CXXC1: variants seen among roughly 807,000 people sequenced by gnomAD.
CXXC1 encodes CXXC-type zinc finger protein 1.
In CXXC1, 21 loss-of-function variants were observed where a neutral mutation model predicts 83.6. The ratio of observed to expected loss-of-function variants is 0.25; its 90% confidence interval spans 0.18 to 0.36. The LOEUF (loss-of-function observed/expected upper bound fraction) is 0.36, where lower values mean the gene tolerates loss of function less well. Among genes scored for constraint, CXXC1 ranks in the 10% least tolerant of loss-of-function variants. CXXC1 has a pLI of 1.00. For missense variants in CXXC1, 688 were observed against 919.5 expected, an observed-to-expected ratio of 0.75 and a Z score of 3.26; for synonymous variants, 371 against 337.5, an observed-to-expected ratio of 1.10 and a Z score of -1.09.
At chr18:50,283,462 T>C in intron 12 of CXXC1, 53 bp downstream of exon 12, 2 of 1,611,370 alleles carry the variant, frequency 1.2e-6, no homozygotes, top group Non-Finnish European at 1.7e-6. Context: ...CACATCCCAC[T>C]TCTGACCCCC....
At position 50,284,789 on chromosome 18, in the gene CXXC1, C is replaced by G. The variant is rs762206193; in HGVS notation, c.963G>C (p.Arg321=). The G allele has an allele frequency of 3.1e-6, 5 of 1,614,088 alleles. No individual in the cohort carries two copies. The highest frequency in any genetic ancestry group is 4.2e-6 in the Non-Finnish European group (5 of 1,180,054). ...CATGCTTCACTTTCACTGCCCTCTT[C>G]CGCAGCGCGGGGTCCAGGAATGGGG... ...EESPFLDPAL[R]KRAVKVKHVK... The change falls in exon 8 of 15, where the codon CGG becomes CGC. Residue 321 remains arginine, a synonymous_variant. Coordinates refer to ENST00000285106, the MANE Select transcript of CXXC1 (RefSeq NM_014593.4).
chr18:50,285,815 C>T lies in CXXC1; in HGVS notation c.573G>A (p.Lys191=), dbSNP rs533080894. The T allele has an allele frequency of 1.4e-5, 22 of 1,614,206 alleles. No individual in the cohort carries two copies. In the Admixed American group the frequency reaches 3.5e-4, roughly 26 times the overall value. The change falls in exon 5 of 15, where the codon AAG becomes AAA. Residue 191 remains lysine, a synonymous_variant. Transcript: ENST00000285106. The surrounding 1 kb of genome is among the most constrained non-coding windows in gnomAD (Gnocchi z 4.4). ...CGHCDFCRDM[K]KFGGPNKIRQ... ...GGATCTTGTTGGGGCCCCCGAACTT[C>T]TTCATGTCCCGACAGAAATCACAGT...
At position 50,285,561 on chromosome 18, in the gene CXXC1, G is replaced by T; in HGVS notation, c.639+188C>A. The T allele has an allele frequency of 2.1e-6, 2 of 956,658 alleles. No homozygotes were observed. Among genetic ancestry groups the T allele is most frequent in the South Asian group, 1.7e-5 (1 of 59,704 alleles). The allele number at this position is 956,658 out of a possible 1,614,324, so 59.3% of individuals were successfully genotyped here. A position where few individuals can be genotyped will look rare whatever the true frequency, so the allele number is the denominator to read the frequency against. On this transcript the variant is annotated intron_variant, in intron 5 of 14. Coordinates refer to ENST00000285106, the MANE Select transcript of CXXC1 (RefSeq NM_014593.4). This position sits in a 1 kb window ranked among gnomAD's most constrained non-coding sequence, Gnocchi z 4.4. ...CCACTCTGTCTACCCAGGGTTGGTG[G>T]GGGTGTTCTGCCAGCCCAGCATACC...
At position 50,286,844 on chromosome 18, in the gene CXXC1, T is replaced by C. The variant is rs200207368; in HGVS notation, c.18A>G (p.Ser6=). 8 of 1,613,010 alleles carry C rather than the reference T, an allele frequency of 5.0e-6. No homozygotes were observed. The Middle Eastern group carries it at 4.9e-4, about 100-fold the overall frequency. The change falls in exon 2 of 15, where the codon TCA becomes TCG. Residue 6 remains serine, a synonymous_variant. Transcript: ENST00000285106. MEGDG[S]DPEPPDAGED... ...CCCCGGCATCTGGAGGCTCTGGGTC[T>C]GAACCATCTCCCTCCTGCAGGACAC...
chr18:50,283,096 G>C, intron 13 of CXXC1, 90 bp from the exon 14 acceptor site: 2 of 1,468,560 alleles, frequency 1.4e-6, no homozygotes, highest in Non-Finnish European at 1.9e-6. Flanking sequence ...AAGAATGGAG[G>C]GTTCAGGGAA....
intron 1 of CXXC1, 166 bp from the exon 2 acceptor site, chr18:50,287,024 T>G: frequency 5.0e-6 from 3 of 602,890 alleles, no homozygotes; most frequent in Non-Finnish European, 3.0e-6. Flanking sequence ...CCCCCATCCC[T>G]TCCTCTGACA....
At position 50,287,623 on chromosome 18, in the gene CXXC1, C is replaced by G; in HGVS notation, c.-34G>C. The G allele has an allele frequency of 6.2e-7, 1 of 1,609,418 alleles. No homozygotes were observed. The highest frequency in any genetic ancestry group is 8.5e-7 in the Non-Finnish European group (1 of 1,179,768). ...TCCCGGCGCACTCCCTCACGACCCC[C>G]GCCAGCGACCCGCGAACCTGCACAG... On this transcript the variant is annotated 5_prime_UTR_variant, in exon 1 of 15. Transcript: ENST00000285106.
rs768358159 is a variant in CXXC1 at position 50,285,275 on chromosome 18, C to G, written c.667-28G>C. The G allele has an allele frequency of 2.5e-6, 4 of 1,612,774 alleles. No individual in the cohort carries two copies. In the Admixed American group the frequency reaches 5.0e-5, roughly 20 times the overall value. On this transcript the variant is annotated intron_variant, in intron 6 of 14. Coordinates refer to ENST00000285106, the MANE Select transcript of CXXC1 (RefSeq NM_014593.4). This position sits in a 1 kb window ranked among gnomAD's most constrained non-coding sequence, Gnocchi z 4.4. ...GCAGGGCAGAATCTCAGGACTGGCC[C>G]TGACCGCCCTGCCCGCATGCCCCAC...
At position 50,283,240 on chromosome 18, in the gene CXXC1, G is replaced by A. The variant is rs200199517; in HGVS notation, c.1671+25C>T. On this transcript the variant is annotated intron_variant, in intron 13 of 14. Coordinates refer to ENST00000285106, the MANE Select transcript of CXXC1 (RefSeq NM_014593.4). ...GCGAGGCAGGGAGGAGGGGCAAAAT[G>A]GGAGGAGCTGAGGGAAAACCTTACT... 31 of 1,592,944 alleles carry A rather than the reference G, an allele frequency of 1.9e-5. No homozygotes were observed. The Admixed American group carries it at 5.0e-4, about 26-fold the overall frequency.
chr18:50,283,893 C>T lies in CXXC1; in HGVS notation c.1413+1G>A. The T allele has an allele frequency of 1.9e-6, 3 of 1,614,068 alleles. No homozygotes were observed. The highest frequency in any genetic ancestry group is 2.5e-6 in the Non-Finnish European group (3 of 1,180,006). ...GCTCTGCTGCGCCCCTGCTTGCTCA[C>T]CTCCTCATCCTCGCGCACAGCCTGC... On this transcript the variant is annotated splice_donor_variant, in intron 10 of 14. Coordinates refer to ENST00000285106, the MANE Select transcript of CXXC1 (RefSeq NM_014593.4). LOFTEE classifies it high-confidence loss of function.
chr18:50,284,340 A>G (rs2040677944), intron 9 of CXXC1, 38 bp downstream of exon 9: 1 of 1,517,426 alleles, frequency 6.6e-7, no homozygotes, highest in African/African-American at 1.4e-5. Flanking sequence ...CCTACCATGC[A>G]CTTCCTGACT....
In CXXC1 at chr18:50,284,439, G is replaced by A. The variant is rs368030347; in HGVS notation, c.1144C>T (p.Arg382Cys). The change falls in exon 9 of 15, where the codon CGC becomes TGC. Residue 382 changes from arginine (R) to cysteine (C), a missense_variant. Arg to Cys is a radical substitution (Grantham distance 180). This residue lies in a region of CXXC1 where 100 missense variants were observed against 142.5 expected (regional missense o/e 0.70). Coordinates refer to ENST00000285106, the MANE Select transcript of CXXC1 (RefSeq NM_014593.4). ...TACTTGGAGCTGGGCTGGGCGGGGC[G>A]CACACAGCCGGGCCCCAGGCACTGG... ...LPQCLGPGCV[R>C]PAQPSSKYCS... The A allele has an allele frequency of 2.6e-5, 41 of 1,596,742 alleles. No homozygotes were observed. The highest frequency in any genetic ancestry group is 1.7e-4 in the Middle Eastern group (1 of 5,976).
intron 2 of CXXC1, 33 bp downstream of exon 2, chr18:50,286,679 CGGCCCATCGGCCTCACCCCACCCTGCCA>C: frequency 6.2e-7 from 1 of 1,603,750 alleles, no homozygotes. Flanking sequence ...GTGAGGGGCG[CGGCCCATCGGCCTCACCCCACCCTGCCA>C]GTGTCAGCCC....
Position 50,282,689 on chromosome 18 carries a change from G to A in CXXC1, c.1875C>T (p.Ala625=), listed in dbSNP as rs762941217. 9.9e-6 allele frequency: 16 copies of A among 1,613,844 alleles called. No individual in the cohort carries two copies. The South Asian group carries it at 1.6e-4, about 17-fold the overall frequency. ...LFEQERNVRT[A]MTNRAGLLAL... is the part of the protein sequence containing the mutation. ...CCAGCAATCCCGCGCGGTTTGTCAT[G>A]GCTGTGCGCACATTGCGCTCCTGCT... Residue 625 remains alanine, a synonymous_variant, in exon 15 of 15, where the codon GCC becomes GCT. Coordinates refer to ENST00000285106, the MANE Select transcript of CXXC1 (RefSeq NM_014593.4). This position sits in a 1 kb window ranked among gnomAD's most constrained non-coding sequence, Gnocchi z 5.8.
chr18:50,285,186 T>C lies in CXXC1; in HGVS notation c.728A>G (p.Gln243Arg). The C allele has an allele frequency of 6.2e-7, 1 of 1,614,232 alleles. No individual in the cohort carries two copies. The highest frequency in any genetic ancestry group is 8.5e-7 in the Non-Finnish European group (1 of 1,180,034). ...PRPRRPLPTQQQPQPSQKLGR... is the reference protein window; with the variant it reads ...PRPRRPLPTQRQPQPSQKLGR... ...TAACTTCTGTGATGGCTGTGGCTGC[T>C]GTTGGGTGGGCAGTGGCCGGCGGGG... Residue 243 changes from glutamine (Q) to arginine (R), a missense_variant, in exon 7 of 15, where the codon CAG (glutamine) becomes CGG (arginine). Physicochemically the swap from Gln to Arg is conservative, Grantham distance 43. Coordinates refer to ENST00000285106, the MANE Select transcript of CXXC1 (RefSeq NM_014593.4). This position sits in a 1 kb window ranked among gnomAD's most constrained non-coding sequence, Gnocchi z 4.4.
rs200238190 is a variant in CXXC1, at chr18:50,284,803, C to T, written c.949G>A (p.Asp317Asn). ...MSDTEESPFL[D>N]PALRKRAVKV... is the part of the protein sequence containing the mutation. ...ACTGCCCTCTTCCGCAGCGCGGGGT[C>T]CAGGAATGGGGACTCTTCTGTGTCG... The change falls in exon 8 of 15, where the codon GAC (aspartate) becomes AAC (asparagine). Residue 317 changes from aspartate (D) to asparagine (N), a missense_variant. Coordinates refer to ENST00000285106, the MANE Select transcript of CXXC1 (RefSeq NM_014593.4). 8.7e-6 allele frequency: 14 copies of T among 1,614,190 alleles called. No individual in the cohort carries two copies. The highest frequency in any genetic ancestry group is 1.2e-5 in the Non-Finnish European group (14 of 1,180,048).
At chr18:50,283,139 G>A (rs1055924466) in intron 13 of CXXC1, 126 bp downstream of exon 13, 32 of 1,277,564 alleles carry the variant, frequency 2.5e-5, no homozygotes, top group Middle Eastern at 1.9e-4. Flanking sequence ...AGGAATGGAG[G>A]GTGAAGCAGC....
intron 3 of CXXC1, 126 bp from the exon 4 acceptor site, chr18:50,286,383 G>T: frequency 9.2e-7 from 1 of 1,084,308 alleles, no homozygotes; most frequent in Non-Finnish European, 1.4e-6. Context: ...GTCCAGGGCA[G>T]AGCTGCCTCT....
Position 50,285,392 on chromosome 18 carries a change from A to T in CXXC1, c.640-41T>A, listed in dbSNP as rs958616923. ...GAAGGCCCAGGTCAGCCCCAGGTGG[A>T]TGGAGGGCGGCCTTGCCCTAGCCCT... On this transcript the variant is annotated intron_variant, in intron 5 of 14. Transcript: ENST00000285106. The surrounding 1 kb of genome is among the most constrained non-coding windows in gnomAD (Gnocchi z 4.4). 26 of 1,559,250 alleles carry T rather than the reference A, an allele frequency of 1.7e-5. No homozygotes were observed. The highest frequency in any genetic ancestry group is 2.3e-5 in the Non-Finnish European group (26 of 1,152,564).
Sources: gnomAD v4.1 joint callset for allele counts on GRCh38, gnomAD v4.1.1 for gene constraint, gnomAD v4.1.1 regional missense constraint, Gnocchi (gnomAD v3.1) non-coding constraint, MANE v1.5 for transcripts, NCBI Gene and HGNC (gene_info 2026-07-23, HGNC 2026-07-21) for gene names.